CARMIL1: variants seen among roughly 807,000 people sequenced by gnomAD.
CARMIL1 encodes capping protein regulator and myosin 1 linker 1.
In CARMIL1, 90 loss-of-function variants were observed where a neutral mutation model predicts 177.1. The observed-to-expected ratio is 0.51, with a 90% confidence interval of 0.43 to 0.61. CARMIL1 has a LOEUF of 0.61. CARMIL1 is among the 20% of genes least tolerant of loss of function. CARMIL1 has a pLI of 0.00. For synonymous variants in CARMIL1, 577 were observed against 606.2 expected (o/e 0.95, Z 0.71); for missense variants, 1,380 against 1,667.0 (o/e 0.83, Z 3.00).
At chr6:25,548,434 A>G (rs1358849001) in intron 26 of CARMIL1, among the ~76,000 whole-genome samples, 1 of 152,142 alleles carries the variant, frequency 6.6e-6, no homozygotes, top group Non-Finnish European at 1.5e-5. Context: ...TCCATGGCAT[A>G]TATTCAGGCG....
intron 2 of CARMIL1, among the ~76,000 whole-genome samples, chr6:25,380,443 G>A (rs1367254757): frequency 1.3e-5 from 2 of 152,192 alleles, no homozygotes; most frequent in Non-Finnish European, 2.9e-5. Context: ...GCAATAGACA[G>A]TGGGTCAGAT....
intron 8 of CARMIL1, among the ~76,000 whole-genome samples, chr6:25,454,933 G>A (rs1229004555): frequency 6.6e-6 from 1 of 152,210 alleles, no homozygotes; most frequent in African/African-American, 2.4e-5. Context: ...TCATTGAGGT[G>A]TGAGTTATGG....
At chr6:25,482,459 A>G in intron 12 of CARMIL1, 116 bp downstream of exon 12, 1 of 529,640 alleles carries the variant, frequency 1.9e-6, no homozygotes, top group Non-Finnish European at 3.2e-6. Context: ...CATTTAAAAT[A>G]TATGTATTAT....
chr6:25,615,607 G>A (rs990830061), intron 36 of CARMIL1, among the ~76,000 whole-genome samples: 3 of 152,158 alleles, frequency 2.0e-5, no homozygotes, highest in African/African-American at 7.2e-5. Context: ...CCAAGCTACA[G>A]CCAATAAATA....
chr6:25,399,060 C>T (rs1477725684), intron 2 of CARMIL1, among the ~76,000 whole-genome samples: 2 of 152,152 alleles, frequency 1.3e-5, no homozygotes, highest in Non-Finnish European at 2.9e-5. Flanking sequence ...CCCTTTTCTT[C>T]CCCGCTCACA....
intron 8 of CARMIL1, among the ~76,000 whole-genome samples, chr6:25,463,359 T>C (rs1402521778): frequency 6.6e-6 from 1 of 152,240 alleles, no homozygotes; most frequent in East Asian, 1.9e-4. Context: ...ACCTTAAAAA[T>C]TTAATATTGA....
At chr6:25,549,977 C>T (rs533594380) in intron 26 of CARMIL1, among the ~76,000 whole-genome samples, 13 of 152,110 alleles carry the variant, frequency 8.5e-5, no homozygotes, top group South Asian at 2.1e-4. Flanking sequence ...GAGGTGAGAA[C>T]GTTTTTATTG....
rs375201190 is a variant in CARMIL1, at chr6:25,401,679, G to T, written c.139-18435G>T. On this transcript the variant is annotated intron_variant, in intron 2 of 36. Transcript: ENST00000329474. ...ATTAATGGAAGCTCATTCGCCAGCT[G>T]TCGGGTTAGGAGATTATTCACAAAT... 5.3e-5 allele frequency among the ~76,000 whole-genome samples: 8 copies of T among 152,346 alleles called. No homozygotes were observed. In the South Asian group the frequency reaches 1.7e-3, roughly 32 times the overall value.
Position 25,387,114 on chromosome 6 carries a change from C to CAAAAAAAAAAAAAAAAAAAAA in CARMIL1, c.139-32981_139-32980insAAAAAAAAAAAAAAAAAAAAA, listed in dbSNP as rs377548646. Among the ~76,000 whole-genome samples the CAAAAAAAAAAAAAAAAAAAAA allele has an allele frequency of 1.9e-4, 19 of 101,910 alleles. 1 individual carries two copies. The highest frequency in any genetic ancestry group is 7.6e-4 in the African/African-American group (17 of 22,502). 66.9% of individuals were successfully genotyped at this position (101,910 alleles called of 152,430 possible). On this transcript the variant is annotated intron_variant, in intron 2 of 36. Transcript: ENST00000329474. ...GGGTGACAGAGTGAGACTCTGTCTC[C>CAAAAAAAAAAAAAAAAAAAAA]AAAAAAAAAAAAAAAAAAATCACAA...
At position 25,506,866 on chromosome 6, in the gene CARMIL1, G is replaced by C. The variant is rs1804965870; in HGVS notation, c.1396-2790G>C. 2.0e-5 allele frequency among the ~76,000 whole-genome samples: 3 copies of C among 152,200 alleles called. No individual in the cohort carries two copies. In the South Asian group the frequency reaches 6.2e-4, roughly 32 times the overall value. On this transcript the variant is annotated intron_variant, in intron 17 of 36. Coordinates refer to ENST00000329474, the MANE Select transcript of CARMIL1 (RefSeq NM_017640.6). ...AAGGAAGGAAAGTAAATTATTAAAA[G>C]TTCCTTCTTGATTTTAATTTTCCTT... is the stretch of plus-strand genomic sequence containing the variant.
At chr6:25,600,008 T>C (rs1238633979) in intron 32 of CARMIL1, among the ~76,000 whole-genome samples, 1 of 152,134 alleles carries the variant, frequency 6.6e-6, no homozygotes, top group Non-Finnish European at 1.5e-5. Context: ...TGGTTATATA[T>C]ATATATAAAA....
Position 25,406,447 on chromosome 6 carries a change from G to GA in CARMIL1, c.139-13667_139-13666insA, listed in dbSNP as rs539634864. On this transcript the variant is annotated intron_variant, in intron 2 of 36. Coordinates refer to ENST00000329474, the MANE Select transcript of CARMIL1 (RefSeq NM_017640.6). Reference sequence around the variant, plus strand: ...TTAAGCAGAGAAGGGACATAATAATGTTTGGGTTCTTAAAAGATCACGTTC... The same window carrying GA: ...TTAAGCAGAGAAGGGACATAATAATGATTTGGGTTCTTAAAAGATCACGTTC... Among the ~76,000 whole-genome samples, 1,116 of 152,282 alleles carry GA rather than the reference G, an allele frequency of 7.3e-3. 10 individuals carry two copies. The highest frequency in any genetic ancestry group is 0.025 in the African/African-American group (1,040 of 41,552).
intron 32 of CARMIL1, among the ~76,000 whole-genome samples, chr6:25,598,789 G>T (rs554891969): frequency 8.5e-5 from 13 of 152,298 alleles, no homozygotes; most frequent in Non-Finnish European, 1.6e-4. Context: ...GGTAGAGCTT[G>T]TCGACTGGTG....
intron 1 of CARMIL1, among the ~76,000 whole-genome samples, chr6:25,280,329 A>G (rs1339890039): frequency 1.3e-5 from 2 of 152,132 alleles, no homozygotes; most frequent in East Asian, 1.9e-4. Flanking sequence ...GCGGGAGGTG[A>G]TCTTCTGACA....
At chr6:25,601,730 C>G (rs1006925919) in intron 33 of CARMIL1, among the ~76,000 whole-genome samples, 1 of 152,126 alleles carries the variant, frequency 6.6e-6, no homozygotes, top group African/African-American at 2.4e-5. Context: ...CTGAGTTCCC[C>G]CCAAATCTGA....
intron 2 of CARMIL1, among the ~76,000 whole-genome samples, chr6:25,361,444 A>G (rs565459681): frequency 1.3e-5 from 2 of 152,244 alleles, no homozygotes; most frequent in Admixed American, 1.3e-4. Context: ...TTGACTTCCA[A>G]AATTCATTTA....
intron 2 of CARMIL1, among the ~76,000 whole-genome samples, chr6:25,406,884 T>C (rs902676760): frequency 6.6e-6 from 1 of 151,810 alleles, no homozygotes; most frequent in Non-Finnish European, 1.5e-5. Flanking sequence ...AAGTTGGGAG[T>C]CATCTGGGAT....
At chr6:25,465,306 T>G (rs1156459626) in intron 8 of CARMIL1, among the ~76,000 whole-genome samples, 1 of 151,812 alleles carries the variant, frequency 6.6e-6, no homozygotes, top group African/African-American at 2.4e-5. Flanking sequence ...GGTGGTTGAG[T>G]TTCTTTGAGC....
intron 12 of CARMIL1, among the ~76,000 whole-genome samples, chr6:25,488,265 CCT>C (rs1802865136): frequency 6.6e-6 from 1 of 152,186 alleles, no homozygotes; most frequent in Non-Finnish European, 1.5e-5. Context: ...ATTCATTACT[CCT>C]TCTGATTCAG....
Sources: allele counts gnomAD v4.1 joint callset (sites outside exome capture counted in the v4.1 genomes callset), GRCh38; gene constraint gnomAD v4.1.1; transcripts MANE v1.5; gene names NCBI Gene and HGNC (gene_info 2026-07-23, HGNC 2026-07-21).